The following RNASEH2A variants were observed in gnomAD, a reference collection of about 807,000 sequenced individuals.
RNASEH2A encodes the protein ribonuclease H2 subunit A, also known as RNase H(35).
In RNASEH2A, 30 loss-of-function variants were observed where a neutral mutation model predicts 32.7. That is an observed-to-expected ratio of 0.92 (90% CI 0.69 to 1.25). The LOEUF is 1.25. Ranked by LOEUF, RNASEH2A falls within the 50% of genes most tolerant of loss-of-function variation. RNASEH2A has a pLI of 0.00. For synonymous variants in RNASEH2A, 147 were observed against 165.4 expected (o/e 0.89, Z 0.86); for missense variants, 409 against 398.1 (o/e 1.03, Z -0.23).
Position 12,810,076 on chromosome 19 carries a change from C to T in RNASEH2A, c.417C>T (p.Phe139=), listed in dbSNP as rs201413125. The change falls in exon 5 of 8, where the codon TTC becomes TTT. Residue 139 remains phenylalanine (F), a synonymous_variant. Coordinates refer to ENST00000221486, the MANE Select transcript of RNASEH2A (RefSeq NM_006397.3). The part of the protein sequence containing the change: ...LDQGVNVTQV[F]VDTVGMPETY... ...TGTGTCTGTTGCTGTGGCAGGTATT[C>T]GTGGACACCGTAGGGATGCCAGAGA... The T allele has an allele frequency of 1.3e-4, 210 of 1,614,026 alleles. 1 individual carries two copies. In the African/African-American group the frequency reaches 2.3e-3, roughly 18 times the overall value.
rs79767407 is a variant in RNASEH2A at position 12,813,135 on chromosome 19, C to A, written c.690C>A (p.Phe230Leu). Residue 230 changes from phenylalanine (F) to leucine (L), a missense_variant, in exon 7 of 8, where the codon TTC becomes TTA. By Grantham distance (22) the Phe-to-Leu change is conservative. Coordinates refer to ENST00000221486, the MANE Select transcript of RNASEH2A (RefSeq NM_006397.3). ...LKEHVEPVFGFPQFVRFSWRT... is the reference protein window; with the variant it reads ...LKEHVEPVFGLPQFVRFSWRT... The stretch of plus-strand genomic sequence containing the variant: ...AGCACGTGGAGCCTGTGTTCGGCTT[C>A]CCCCAGTTTGTCCGGTTCAGCTGGC... 6.2e-7 allele frequency: 1 copy of A among 1,614,086 alleles called. No homozygotes were observed. Among genetic ancestry groups the A allele is most frequent in the Non-Finnish European group, 8.5e-7 (1 of 1,180,012 alleles).
chr19:12,807,131 C>G (rs771416321), intron 2 of RNASEH2A, 52 bp downstream of exon 2: 2 of 1,614,054 alleles, frequency 1.2e-6, no homozygotes, highest in Non-Finnish European at 1.7e-6. Context: ...TGTGCAGGGG[C>G]AGGTGAGAAC....
chr19:12,807,133 G>A (rs1969005247), intron 2 of RNASEH2A, 54 bp downstream of exon 2: 3 of 1,614,050 alleles, frequency 1.9e-6, no homozygotes, highest in South Asian at 2.2e-5. Context: ...TGCAGGGGCA[G>A]GTGAGAACTG....
intron 6 of RNASEH2A, 45 bp from the exon 7 acceptor site, chr19:12,813,038 G>A (rs1969096004): frequency 3.1e-6 from 5 of 1,611,990 alleles, no homozygotes; most frequent in Non-Finnish European, 4.2e-6. Context: ...GAGCTTGAAT[G>A]TTATGGTGCA....
Position 12,806,785 on chromosome 19 carries a change from A to T in RNASEH2A, c.112A>T (p.Arg38Trp). ...PCVLGVDEAG[R>W]GPVLGPMVYA... ...CGTCCTGGGCGTCGATGAGGCGGGC[A>T]GGGGCCCCGTGCTGGGTGCGCCCCT... The change falls in exon 1 of 8, where the codon AGG becomes TGG. Residue 38 changes from arginine (R) to tryptophan (W), a missense_variant. Physicochemically the swap from Arg to Trp is moderately radical, Grantham distance 101 (BLOSUM62 -3). Coordinates refer to ENST00000221486, the MANE Select transcript of RNASEH2A (RefSeq NM_006397.3). 2 of 1,576,644 alleles carry T rather than the reference A, an allele frequency of 1.3e-6. No homozygotes were observed. Among genetic ancestry groups the T allele is most frequent in the Non-Finnish European group, 1.7e-6 (2 of 1,161,166 alleles).
intron 4 of RNASEH2A, among the ~76,000 whole-genome samples, chr19:12,808,616 G>T (rs1269242103): frequency 6.6e-6 from 1 of 152,162 alleles, no homozygotes; most frequent in African/African-American, 2.4e-5. Context: ...TTTTTGAAAT[G>T]CACATCTCGA....
intron 6 of RNASEH2A, among the ~76,000 whole-genome samples, chr19:12,812,370 A>G (rs1007058984): frequency 6.6e-6 from 1 of 151,782 alleles, no homozygotes; most frequent in Admixed American, 6.6e-5. Flanking sequence ...CGTCTCTACT[A>G]AAAATACAAA....
intron 6 of RNASEH2A, among the ~76,000 whole-genome samples, chr19:12,812,791 G>C (rs1398677056): frequency 1.3e-5 from 2 of 152,046 alleles, no homozygotes; most frequent in East Asian, 3.9e-4. Flanking sequence ...TAGATCACGA[G>C]GTCAAGCAAT....
chr19:12,807,029 G>A lies in RNASEH2A; in HGVS notation c.149G>A (p.Cys50Tyr). ...PVLGPMVYAI[C>Y]YCPLPRLADL... Reference sequence around the variant, plus strand: ...CCAGGCCCCATGGTCTACGCCATCTGTTATTGTCCCCTGCCTCGCCTGGCA... The same window carrying A: ...CCAGGCCCCATGGTCTACGCCATCTATTATTGTCCCCTGCCTCGCCTGGCA... Residue 50 changes from cysteine to tyrosine, a missense_variant, in exon 2 of 8, where the codon TGT becomes TAT. By Grantham distance (194) the Cys-to-Tyr change is radical (BLOSUM62 -2). Coordinates refer to ENST00000221486, the MANE Select transcript of RNASEH2A (RefSeq NM_006397.3). 1 of 1,614,114 alleles carries A rather than the reference G, an allele frequency of 6.2e-7. No homozygotes were observed.
chr19:12,811,650 G>A (rs908878580), intron 6 of RNASEH2A, among the ~76,000 whole-genome samples: 2 of 151,788 alleles, frequency 1.3e-5, no homozygotes, highest in Admixed American at 6.6e-5. Flanking sequence ...AGGCGTGGTG[G>A]CTCACACCTG....
rs982886198 is a variant in RNASEH2A at position 12,813,059 on chromosome 19, T to G, written c.638-24T>G. 5 of 1,613,412 alleles carry G rather than the reference T, an allele frequency of 3.1e-6. No individual in the cohort carries two copies. The African/African-American group carries it at 5.4e-5, about 17-fold the overall frequency. ...GAATGTTATGGTGCAACTTGGACTGTCACCATTGCCCACCCTACCCCAGAT... is the reference window on the plus strand; with the variant it reads ...GAATGTTATGGTGCAACTTGGACTGGCACCATTGCCCACCCTACCCCAGAT... On this transcript the variant is annotated intron_variant, in intron 6 of 7. Coordinates refer to ENST00000221486, the MANE Select transcript of RNASEH2A (RefSeq NM_006397.3).
At chr19:12,810,488 TC>T in intron 6 of RNASEH2A, 84 bp downstream of exon 6, 1 of 1,151,624 alleles carries the variant, frequency 8.7e-7, no homozygotes. Context: ...TTCCTTTCTG[TC>T]ATTTATCATT....
rs1968999599 is a variant in RNASEH2A at position 12,806,861 on chromosome 19, C to G, written c.127+61C>G. 3.8e-6 allele frequency: 6 copies of G among 1,593,780 alleles called. No homozygotes were observed. The African/African-American group carries it at 6.7e-5, about 18-fold the overall frequency. Reference sequence around the variant, plus strand: ...TACGGAGGATGCGGGAAACGGGAGTCGGGATTGCACTGCACCAAGGGAGGG... The same window carrying G: ...TACGGAGGATGCGGGAAACGGGAGTGGGGATTGCACTGCACCAAGGGAGGG... On this transcript the variant is annotated intron_variant, in intron 1 of 7. Transcript: ENST00000221486.
At position 12,807,498 on chromosome 19, in the gene RNASEH2A, G is replaced by A. The variant is rs1369681988; in HGVS notation, c.403G>A (p.Val135Ile). 6.2e-7 allele frequency: 1 copy of A among 1,613,600 alleles called. No homozygotes were observed. Among genetic ancestry groups the A allele is most frequent in the Non-Finnish European group, 8.5e-7 (1 of 1,179,524 alleles). ...IQYALDQGVN[V>I]TQVFVDTVGM... is the part of the protein sequence containing the mutation. ...GTATGCATTGGACCAGGGCGTGAAC[G>A]TCACCCAGGTGAGTTAACTGTAAGT... Residue 135 changes from valine to isoleucine, a missense_variant, in exon 4 of 8, where the codon GTC (valine) becomes ATC (isoleucine). Val to Ile is a conservative substitution (Grantham distance 29, BLOSUM62 3). Transcript: ENST00000221486.
chr19:12,811,917 AAATAAT>A (rs60819630), intron 6 of RNASEH2A, among the ~76,000 whole-genome samples: 31 of 148,274 alleles, frequency 2.1e-4, no homozygotes, highest in Admixed American at 4.8e-4. Context: ...TTCCATCTCA[AAATAAT>A]AATAATAATA....
In RNASEH2A at chr19:12,807,349, G is replaced by A. The variant is rs534725116; in HGVS notation, c.323+20G>A. On this transcript the variant is annotated intron_variant, in intron 3 of 7. Transcript: ENST00000221486. The stretch of plus-strand genomic sequence containing the variant: ...TGGGCGGTGAGGGGTCCCCGGGAGG[G>A]GCAGCCAGCATGGGCTGACCAAGCT... 2.3e-5 allele frequency: 37 copies of A among 1,614,148 alleles called. No homozygotes were observed. The South Asian group carries it at 2.9e-4, about 12-fold the overall frequency.
At chr19:12,810,263 GGC>G in intron 5 of RNASEH2A, 52 bp from the exon 6 acceptor site, 1 of 1,613,828 alleles carries the variant, frequency 6.2e-7, no homozygotes. Flanking sequence ...ATAGGGGCCA[GGC>G]ATGGCCACCA....
In RNASEH2A at chr19:12,813,472, G is replaced by A. The variant is rs1215660298; in HGVS notation, c.*6G>A. 7 of 1,612,646 alleles carry A rather than the reference G, an allele frequency of 4.3e-6. No homozygotes were observed. The highest frequency in any genetic ancestry group is 5.9e-6 in the Non-Finnish European group (7 of 1,180,014). On this transcript the variant is annotated 3_prime_UTR_variant, in exon 8 of 8. Transcript: ENST00000221486. Reference sequence around the variant, plus strand: ...AGTCAGCAACCAGCCTCTAGCAGCTGCCTCTACGCGCTCTACCTGCTTCCC... The same window carrying A: ...AGTCAGCAACCAGCCTCTAGCAGCTACCTCTACGCGCTCTACCTGCTTCCC...
chr19:12,812,777 G>T (rs565026369), intron 6 of RNASEH2A, among the ~76,000 whole-genome samples: 4 of 151,986 alleles, frequency 2.6e-5, no homozygotes, highest in Non-Finnish European at 4.4e-5. Flanking sequence ...GAGGCCGAGG[G>T]GGGTAGATCA....
Sources: allele counts gnomAD v4.1 joint callset (sites outside exome capture counted in the v4.1 genomes callset), GRCh38; gene constraint gnomAD v4.1.1; transcripts MANE v1.5; gene names NCBI Gene and HGNC (gene_info 2026-07-23, HGNC 2026-07-21).